The following IGF1R variants were observed in gnomAD, a reference collection of about 807,000 sequenced individuals.
IGF1R encodes the protein insulin like growth factor 1 receptor, also known as insulin-like growth factor 1 receptor.
In IGF1R, 44 loss-of-function variants were observed where a neutral mutation model predicts 144.6. That is an observed-to-expected ratio of 0.30 (90% CI 0.24 to 0.39). The LOEUF (loss-of-function observed/expected upper bound fraction) is 0.39. Among genes scored for constraint, IGF1R ranks in the 10% least tolerant of loss-of-function variants. The pLI, the probability that IGF1R is intolerant of heterozygous loss-of-function variation, is 1.00. For missense variants in IGF1R, 1,355 were observed against 1,833.7 expected, an observed-to-expected ratio of 0.74 and a Z score of 4.77; for synonymous variants, 795 against 722.8, an observed-to-expected ratio of 1.10 and a Z score of -1.60.
chr15:98,756,970 A>G (rs910947923), intron 2 of IGF1R, among the ~76,000 whole-genome samples: 4 of 152,208 alleles, frequency 2.6e-5, no homozygotes, highest in Non-Finnish European at 5.9e-5. Flanking sequence ...AGGATTTATT[A>G]ACGTTTACTT....
chr15:98,859,114 T>C (rs1654171206), intron 2 of IGF1R, among the ~76,000 whole-genome samples: 1 of 152,150 alleles, frequency 6.6e-6, no homozygotes. Context: ...TTTTTGGACT[T>C]TTAGAAACAC....
intron 2 of IGF1R, 48 bp downstream of exon 2, chr15:98,708,155 C>T (rs764209228): frequency 2.7e-6 from 4 of 1,498,608 alleles, no homozygotes; most frequent in Non-Finnish European, 2.8e-6. Flanking sequence ...TCTCTCTCCT[C>T]TCCTCCTCCT....
chr15:98,942,553 G>A (rs1186346968), intron 18 of IGF1R, among the ~76,000 whole-genome samples: 2 of 152,274 alleles, frequency 1.3e-5, no homozygotes, highest in East Asian at 1.9e-4. Flanking sequence ...TGCCCAGGCT[G>A]ATCTTGAATT....
intron 10 of IGF1R, among the ~76,000 whole-genome samples, chr15:98,918,803 C>T (rs558902820): frequency 7.2e-5 from 11 of 152,182 alleles, no homozygotes; most frequent in Non-Finnish European, 1.3e-4. Flanking sequence ...CGCTTGAACC[C>T]GGGAGGTGGA....
Position 98,908,800 on chromosome 15 carries a change from T to C in IGF1R, c.1363T>C (p.Cys455Arg). ...GTACTTTGCTTTCAATCCCAAATTA[T>C]GTGTTTCCGAAATTTACCGCATGGA... ...KMYFAFNPKL[C>R]VSEIYRMEEV... The change falls in exon 6 of 21, where the codon TGT (cysteine) becomes CGT (arginine). Residue 455 changes from cysteine to arginine, a missense_variant. Coordinates refer to ENST00000650285, the MANE Select transcript of IGF1R (RefSeq NM_000875.5). 6.2e-7 allele frequency: 1 copy of C among 1,614,146 alleles called. No homozygotes were observed. The highest frequency in any genetic ancestry group is 8.5e-7 in the Non-Finnish European group (1 of 1,180,012).
chr15:98,824,091 A>G (rs1238410657), intron 2 of IGF1R: 2 of 152,214 alleles, frequency 1.3e-5, no homozygotes, highest in Non-Finnish European at 2.9e-5. Flanking sequence ...GGAGGGTAAC[A>G]TGGAAGTATT....
At chr15:98,776,424 G>A (rs1744757932) in intron 2 of IGF1R, among the ~76,000 whole-genome samples, 1 of 152,132 alleles carries the variant, frequency 6.6e-6, no homozygotes, top group South Asian at 2.1e-4. Flanking sequence ...GACCTCAGAT[G>A]ATCCACGCGC....
At chr15:98,709,098 G>C (rs1408252345) in intron 2 of IGF1R, among the ~76,000 whole-genome samples, 1 of 152,170 alleles carries the variant, frequency 6.6e-6, no homozygotes, top group Non-Finnish European at 1.5e-5. Flanking sequence ...AAGTCAGTGT[G>C]TTAGCTATAA....
At chr15:98,793,874 G>A (rs1453211670) in intron 2 of IGF1R, among the ~76,000 whole-genome samples, 1 of 152,204 alleles carries the variant, frequency 6.6e-6, no homozygotes. Flanking sequence ...GGGGTATTCT[G>A]AAATACCTGT....
chr15:98,654,535 G>A (rs1279881392), intron 1 of IGF1R, among the ~76,000 whole-genome samples: 1 of 152,174 alleles, frequency 6.6e-6, no homozygotes, highest in Admixed American at 6.5e-5. Context: ...GGGAGTAAGA[G>A]TGAGGAGACA....
At chr15:98,724,494 G>C (rs568888554) in intron 2 of IGF1R, among the ~76,000 whole-genome samples, 28 of 152,326 alleles carry the variant, frequency 1.8e-4, no homozygotes, top group African/African-American at 6.0e-4. Flanking sequence ...TATTGCACTG[G>C]GGTAGGAGCC....
intron 1 of IGF1R, among the ~76,000 whole-genome samples, chr15:98,675,003 A>G (rs1430596866): frequency 6.0e-5 from 1 of 16,658 alleles, no homozygotes; most frequent in Admixed American, 6.4e-4. Flanking sequence ...TTTTTTTTTG[A>G]GACAAAGTCT....
Position 98,834,069 on chromosome 15 carries a change from T to A in IGF1R, c.641-57256T>A, listed in dbSNP as rs144755868. 3.3e-5 allele frequency among the ~76,000 whole-genome samples: 5 copies of A among 152,356 alleles called. No homozygotes were observed. The East Asian group carries it at 9.6e-4, about 29-fold the overall frequency. On this transcript the variant is annotated intron_variant, in intron 2 of 20. Coordinates refer to ENST00000650285, the MANE Select transcript of IGF1R (RefSeq NM_000875.5). ...GTCATCTCCTAATTAAAATCCTTCT[T>A]TACCCTTAATATCCTCTCCTCTGTC...
At chr15:98,803,664 G>C (rs2139923) in intron 2 of IGF1R, among the ~76,000 whole-genome samples, 140,244 of 152,044 alleles carry the variant, frequency 0.92, 65,035 homozygotes, top group Middle Eastern at 0.98. Flanking sequence ...CACCACCATG[G>C]CTGACTAATT....
In IGF1R at chr15:98,656,995, T is replaced by C. The variant is rs2052500919; in HGVS notation, c.94+7320T>C. On this transcript the variant is annotated intron_variant, in intron 1 of 20. Transcript: ENST00000650285. ...TGGGAGAACAAATATATTTTGATAG[T>C]TGTTAGAGCATAAATATTTTATAGA... 2.0e-5 allele frequency among the ~76,000 whole-genome samples: 3 copies of C among 152,248 alleles called. No individual in the cohort carries two copies. The South Asian group carries it at 6.2e-4, about 31-fold the overall frequency.
intron 2 of IGF1R, among the ~76,000 whole-genome samples, chr15:98,858,369 T>G (rs1338172937): frequency 1.3e-5 from 2 of 152,248 alleles, no homozygotes; most frequent in Non-Finnish European, 2.9e-5. Flanking sequence ...TTGTCTTCAT[T>G]CCTTTTAATC....
intron 2 of IGF1R, among the ~76,000 whole-genome samples, chr15:98,810,547 T>C (rs997214436): frequency 1.3e-5 from 2 of 150,944 alleles, no homozygotes; most frequent in African/African-American, 4.9e-5. Flanking sequence ...TGATTTTCTT[T>C]TCTTTTCTTT....
At chr15:98,762,631 G>A (rs560439566) in intron 2 of IGF1R, among the ~76,000 whole-genome samples, 1 of 151,048 alleles carries the variant, frequency 6.6e-6, no homozygotes, top group Non-Finnish European at 1.5e-5. Context: ...GGGAGGCTGA[G>A]GCAGGAGAAT....
chr15:98,883,562 G>A (rs918157372), intron 2 of IGF1R, among the ~76,000 whole-genome samples: 1 of 152,202 alleles, frequency 6.6e-6, no homozygotes, highest in South Asian at 2.1e-4. Context: ...CTTCCCTGGG[G>A]TGATAGGGAT....
Sources: gnomAD v4.1 joint callset for allele counts (sites outside exome capture counted in the v4.1 genomes callset) on GRCh38, gnomAD v4.1.1 for gene constraint, MANE v1.5 for transcripts, NCBI Gene and HGNC (gene_info 2026-07-23, HGNC 2026-07-21) for gene names.